CSMD1: variants seen among roughly 807,000 people sequenced by gnomAD.
CSMD1 encodes CUB and sushi domain-containing protein 1.
In CSMD1, 213 loss-of-function variants were observed where a neutral mutation model predicts 417.5. That is an observed-to-expected ratio of 0.51 (90% CI 0.46 to 0.57). The LOEUF is 0.57. CSMD1 is among the 20% of genes least tolerant of loss of function. The pLI, the probability that CSMD1 is intolerant of heterozygous loss-of-function variation, is 0.00. For missense variants in CSMD1, 6,923 were observed against 4,529.7 expected (o/e 1.53, Z -15.17); for synonymous variants, 2,862 against 1,736.8 (o/e 1.65, Z -16.11).
At chr8:4,398,977 C>T (rs925062925) in intron 3 of CSMD1, among the ~76,000 whole-genome samples, 1 of 152,150 alleles carries the variant, frequency 6.6e-6, no homozygotes, top group Non-Finnish European at 1.5e-5. Flanking sequence ...TTCCAGGAAA[C>T]AGTCAAAATT....
intron 30 of CSMD1, among the ~76,000 whole-genome samples, chr8:3,210,334 T>G (rs958261464): frequency 3.7e-5 from 3 of 81,704 alleles, no homozygotes; most frequent in Admixed American, 2.2e-4. Flanking sequence ...TGATGACTAG[T>G]AAAATAAATT....
At chr8:4,982,149 A>C (rs1024981560) in intron 1 of CSMD1, among the ~76,000 whole-genome samples, 2 of 152,180 alleles carry the variant, frequency 1.3e-5, no homozygotes. Flanking sequence ...GTGAGACCTT[A>C]AGCAGAGACC....
chr8:3,550,959 C>T (rs1404779695), intron 10 of CSMD1, among the ~76,000 whole-genome samples: 3 of 151,988 alleles, frequency 2.0e-5, no homozygotes, highest in African/African-American at 7.3e-5. Flanking sequence ...TGACAAACCA[C>T]TACTCAACTT....
chr8:3,404,325 A>G lies in CSMD1; in HGVS notation c.2266+1702T>C, dbSNP rs547474691. ...ACTCCAGCCTGGGTGACAGAGCCAG[A>G]CGCTATCTCAAAAAAAAAAAAAAAA... is the stretch of plus-strand genomic sequence containing the variant. On this transcript the variant is annotated intron_variant, in intron 15 of 69. Coordinates refer to ENST00000635120, the MANE Select transcript of CSMD1 (RefSeq NM_033225.6). Among the ~76,000 whole-genome samples, 188 of 89,332 alleles carry G rather than the reference A, an allele frequency of 2.1e-3. 1 individual carries two copies. The highest frequency in any genetic ancestry group is 6.0e-3 in the Admixed American group (40 of 6,690). 58.6% of individuals were successfully genotyped at this position (89,332 alleles called of 152,430 possible).
intron 3 of CSMD1, among the ~76,000 whole-genome samples, chr8:4,257,586 T>G (rs1803551334): frequency 6.6e-6 from 1 of 152,232 alleles, no homozygotes; most frequent in Non-Finnish European, 1.5e-5. Flanking sequence ...TAAAATTCTC[T>G]CCCTGCGGGA....
At chr8:3,770,185 C>G (rs1478816567) in intron 5 of CSMD1, among the ~76,000 whole-genome samples, 1 of 152,208 alleles carries the variant, frequency 6.6e-6, no homozygotes, top group Non-Finnish European at 1.5e-5. Context: ...AGGTCCCTCT[C>G]CCATGATTTT....
intron 2 of CSMD1, among the ~76,000 whole-genome samples, chr8:4,564,729 T>C (rs762324275): frequency 1.3e-5 from 2 of 152,168 alleles, no homozygotes; most frequent in South Asian, 2.1e-4. Context: ...TGAGGGCATT[T>C]TGATGGATCT....
intron 51 of CSMD1, 59 bp from the exon 52 acceptor site, chr8:3,018,709 C>CCAAA: frequency 6.9e-7 from 1 of 1,455,644 alleles, no homozygotes; most frequent in South Asian, 1.3e-5. Flanking sequence ...CTCCTGTGCT[C>CCAAA]CAAACAAACA....
chr8:3,835,408 G>A (rs1251687689), intron 5 of CSMD1, among the ~76,000 whole-genome samples: 6 of 151,724 alleles, frequency 4.0e-5, no homozygotes, highest in Admixed American at 6.6e-5. Context: ...ATGAGTTCAT[G>A]TCCTTTGTAG....
chr8:4,096,633 A>C (rs1482684890), intron 3 of CSMD1, among the ~76,000 whole-genome samples: 1 of 152,232 alleles, frequency 6.6e-6, no homozygotes, highest in East Asian at 1.9e-4. Flanking sequence ...AAGATATCTT[A>C]AAAATCTTTA....
rs569737177 is a variant in CSMD1, at chr8:3,275,929, T to G, written c.4153+8215A>C. ...TGTCTGAAGCCTTCTTCTCTCAGCTTGTCAAACTCTTTCTCTGTTCAGCTT... is the reference window on the plus strand; with the variant it reads ...TGTCTGAAGCCTTCTTCTCTCAGCTGGTCAAACTCTTTCTCTGTTCAGCTT... On this transcript the variant is annotated intron_variant, in intron 26 of 69. Transcript: ENST00000635120. 1.5e-3 allele frequency among the ~76,000 whole-genome samples: 231 copies of G among 152,328 alleles called. 2 individuals are homozygous for G. Among genetic ancestry groups the G allele is most frequent in the Non-Finnish European group, 1.2e-3 (81 of 68,032 alleles).
chr8:3,848,087 C>CTCTCTT (rs35963680), intron 5 of CSMD1, among the ~76,000 whole-genome samples: 18,495 of 149,490 alleles, frequency 0.12, 1,172 homozygotes, highest in South Asian at 0.18. Context: ...CTCTCTCTCT[C>CTCTCTT]TCTAAATATA....
In CSMD1 at chr8:4,811,303, T is replaced by C. The variant is rs547815943; in HGVS notation, c.86-173745A>G. On this transcript the variant is annotated intron_variant, in intron 1 of 69. Coordinates refer to ENST00000635120, the MANE Select transcript of CSMD1 (RefSeq NM_033225.6). ...TAGGAATGTCAAACCTAGTATTAAT[T>C]GGGAATATTGACTCGGAGAGAGAAG... 5.3e-5 allele frequency among the ~76,000 whole-genome samples: 8 copies of C among 152,324 alleles called. No individual in the cohort carries two copies. In the East Asian group the frequency reaches 7.7e-4, roughly 15 times the overall value.
At chr8:2,998,274 T>C (rs1466938638) in intron 53 of CSMD1, 90 bp from the exon 54 acceptor site, 6 of 1,351,268 alleles carry the variant, frequency 4.4e-6, no homozygotes, top group Non-Finnish European at 6.2e-6. Context: ...GCAGGCATGC[T>C]AACGGTATGG....
intron 50 of CSMD1, among the ~76,000 whole-genome samples, chr8:3,039,046 T>C (rs1377916984): frequency 1.3e-5 from 2 of 152,076 alleles, no homozygotes; most frequent in African/African-American, 2.4e-5. Flanking sequence ...GCAGAAGAGA[T>C]CTAGACAGAA....
intron 7 of CSMD1, among the ~76,000 whole-genome samples, chr8:3,675,639 G>C (rs1020984099): frequency 6.6e-6 from 1 of 152,166 alleles, no homozygotes; most frequent in East Asian, 1.9e-4. Context: ...GGAAACCAGG[G>C]TGTTCTCTGC....
intron 7 of CSMD1, among the ~76,000 whole-genome samples, chr8:3,650,465 G>C (rs1797796982): frequency 6.6e-6 from 1 of 152,106 alleles, no homozygotes. Context: ...AACTCATCAT[G>C]CTCTAGGACT....
intron 1 of CSMD1, among the ~76,000 whole-genome samples, chr8:4,920,317 A>G (rs1274405771): frequency 6.6e-6 from 1 of 151,900 alleles, no homozygotes; most frequent in Non-Finnish European, 1.5e-5. Context: ...CAATTTCTTG[A>G]GTCTACACAT....
At chr8:4,778,913 T>C (rs192425280) in intron 1 of CSMD1, among the ~76,000 whole-genome samples, 3 of 152,322 alleles carry the variant, frequency 2.0e-5, no homozygotes, top group Non-Finnish European at 2.9e-5. Context: ...ATTTACAATA[T>C]ATGGAAGCAA....
Sources: gnomAD v4.1 joint callset for allele counts (sites outside exome capture counted in the v4.1 genomes callset) on GRCh38, gnomAD v4.1.1 for gene constraint, MANE v1.5 for transcripts, NCBI Gene and HGNC (gene_info 2026-07-23, HGNC 2026-07-21) for gene names.